USP7: variants seen among roughly 807,000 people sequenced by gnomAD.
The protein encoded by USP7 is ubiquitin specific peptidase 7, also known as ubiquitin C-terminal hydrolase 7.
A neutral mutation model predicts 162.9 loss-of-function variants in USP7; 9 were observed. The observed-to-expected ratio is 0.06, with a 90% CI of 0.03 to 0.10. USP7 has a LOEUF of 0.10. Among genes scored for constraint, USP7 ranks in the 10% least tolerant of loss-of-function variants. The pLI, the probability that USP7 is intolerant of heterozygous loss-of-function variation, is 1.00. For missense variants in USP7, 715 were observed against 1,373.7 expected (o/e 0.52, Z 7.58); for synonymous variants, 562 against 475.9 (o/e 1.18, Z -2.35).
intron 6 of USP7, among the ~76,000 whole-genome samples, chr16:8,918,703 G>A (rs1897513724): frequency 6.6e-6 from 1 of 152,160 alleles, no homozygotes; most frequent in African/African-American, 2.4e-5. Flanking sequence ...CAGCTACTCA[G>A]GAGGCTGAGG....
Position 8,899,126 on chromosome 16 carries a change from A to C in USP7, c.2526T>G (p.Ser842=), listed in dbSNP as rs1002001842. ...TGTCCACACATGTGACCTACCCTTG[A>C]GACTTGAAAAACTGCAGCAACATTG... The part of the protein sequence containing the change: ...TDPMLLQFFK[S]QGYRDGPGNP... The change falls in exon 23 of 31, where the codon TCT becomes TCG. Residue 842 remains serine, a synonymous_variant. Transcript: ENST00000344836. 1 of 1,614,100 alleles carries C rather than the reference A, an allele frequency of 6.2e-7. No individual in the cohort carries two copies. Among genetic ancestry groups the C allele is most frequent in the African/African-American group, 1.3e-5 (1 of 74,940 alleles).
chr16:8,936,791 T>C, intron 1 of USP7: 1 of 1,289,208 alleles, frequency 7.8e-7, no homozygotes, highest in South Asian at 1.9e-5. Flanking sequence ...TCAATTTAGA[T>C]AAGGCAGTCC....
chr16:8,909,795 G>A (rs867900396), intron 11 of USP7, among the ~76,000 whole-genome samples: 5 of 152,094 alleles, frequency 3.3e-5, no homozygotes, highest in Non-Finnish European at 5.9e-5. Flanking sequence ...GCATAGTGGC[G>A]GGCGCCTGTA....
intron 11 of USP7, among the ~76,000 whole-genome samples, chr16:8,909,180 G>A (rs889989083): frequency 2.6e-5 from 4 of 152,198 alleles, no homozygotes; most frequent in Admixed American, 2.0e-4. Flanking sequence ...CCAGCTCTTT[G>A]TTCCTCAGTA....
chr16:8,921,064 CTA>C lies in USP7; in HGVS notation c.522+91_522+92del, dbSNP rs1897666897. 7 of 1,380,792 alleles carry C rather than the reference CTA, an allele frequency of 5.1e-6. No individual in the cohort carries two copies. The South Asian group carries it at 1.1e-4, about 21-fold the overall frequency. 85.5% of individuals were successfully genotyped at this position (1,380,792 alleles called of 1,614,324 possible). Reference sequence around the variant, plus strand: ...CAATTTAGAAAGTAAAAATCTGACTCTAAAATCAATAAAGGACTTGAAAAATC... The same window carrying C: ...CAATTTAGAAAGTAAAAATCTGACTCAAATCAATAAAGGACTTGAAAAATC... On this transcript the variant is annotated intron_variant, in intron 4 of 30. Transcript: ENST00000344836.
At chr16:8,906,003 C>T (rs777157241) in intron 13 of USP7, among the ~76,000 whole-genome samples, 14 of 152,106 alleles carry the variant, frequency 9.2e-5, no homozygotes, top group South Asian at 2.1e-4. Flanking sequence ...ATGAGTATGG[C>T]GCCCTCTACA....
intron 28 of USP7, 37 bp from the exon 29 acceptor site, chr16:8,894,892 C>A: frequency 1.2e-6 from 2 of 1,614,106 alleles, no homozygotes; most frequent in Non-Finnish European, 1.7e-6. Context: ...CACAGTCACT[C>A]CCAGCACCCC....
intron 16 of USP7, among the ~76,000 whole-genome samples, chr16:8,902,719 C>T (rs1331983560): frequency 6.6e-6 from 1 of 152,046 alleles, no homozygotes; most frequent in Admixed American, 6.5e-5. Flanking sequence ...GAACTCTCGT[C>T]TCTACTAAAA....
chr16:8,936,697 G>A, intron 1 of USP7: 4 of 1,479,910 alleles, frequency 2.7e-6, no homozygotes, highest in Non-Finnish European at 3.6e-6. Context: ...AGAATCTCTA[G>A]GAGCTCTACC....
At chr16:8,902,588 A>G in intron 16 of USP7, 106 bp from the exon 17 acceptor site, 1 of 928,054 alleles carries the variant, frequency 1.1e-6, no homozygotes, top group Non-Finnish European at 1.6e-6. Flanking sequence ...TATATAGTCA[A>G]TGTTAAGACT....
At chr16:8,924,957 T>C (rs1178037548) in intron 2 of USP7, among the ~76,000 whole-genome samples, 2 of 152,226 alleles carry the variant, frequency 1.3e-5, no homozygotes, top group African/African-American at 4.8e-5. Flanking sequence ...CCTCTTCAAG[T>C]GGTATTCCCC....
At position 8,902,125 on chromosome 16, in the gene USP7, C is replaced by T. The variant is rs779006733; in HGVS notation, c.2004G>A (p.Glu668=). The change falls in exon 18 of 31, where the codon GAG becomes GAA. Residue 668 remains glutamate (E), a synonymous_variant. Transcript: ENST00000344836. ...GTAAGGTCGCTCCACTAGCAGCCAG[C>T]TCGGGATCAACTGTTTCCAGGAATA... ...WTIFLETVDP[E]LAASGATLPK... 1 of 1,614,234 alleles carries T rather than the reference C, an allele frequency of 6.2e-7. No individual in the cohort carries two copies. The highest frequency in any genetic ancestry group is 1.1e-5 in the South Asian group (1 of 91,088).
intron 1 of USP7, among the ~76,000 whole-genome samples, chr16:8,941,120 G>A (rs1307560126): frequency 1.3e-5 from 2 of 151,998 alleles, no homozygotes; most frequent in Non-Finnish European, 2.9e-5. Flanking sequence ...CAATTCACAT[G>A]GGGCCCATGC....
Position 8,948,071 on chromosome 16 carries a change from G to A in USP7, c.79+15136C>T, listed in dbSNP as rs571865242. On this transcript the variant is annotated intron_variant, in intron 1 of 30. Coordinates refer to ENST00000344836, the MANE Select transcript of USP7 (RefSeq NM_003470.3). ...CTCGAAGACTGCATGCCCTGCAGACGTCAGTCAGCTCCAGCACCAGACCCA... is the reference window on the plus strand; with the variant it reads ...CTCGAAGACTGCATGCCCTGCAGACATCAGTCAGCTCCAGCACCAGACCCA... Among the ~76,000 whole-genome samples the A allele has an allele frequency of 2.1e-4, 32 of 152,322 alleles. 1 individual carries two copies. In the South Asian group the frequency reaches 5.4e-3, roughly 26 times the overall value.
At chr16:8,921,541 G>T (rs1897690041) in intron 3 of USP7, among the ~76,000 whole-genome samples, 1 of 152,196 alleles carries the variant, frequency 6.6e-6, no homozygotes, top group African/African-American at 2.4e-5. Context: ...CTTAGAAGTT[G>T]AAACAAATTT....
intron 1 of USP7, among the ~76,000 whole-genome samples, chr16:8,951,603 G>A (rs1899554117): frequency 6.6e-6 from 1 of 152,212 alleles, no homozygotes; most frequent in Non-Finnish European, 1.5e-5. Context: ...CTGAGCGCAT[G>A]AGGCTATACT....
intron 25 of USP7, among the ~76,000 whole-genome samples, chr16:8,897,726 A>AAAAATAAATAT: frequency 1.4e-4 from 1 of 7,138 alleles, no homozygotes; most frequent in Non-Finnish European, 2.3e-4. Flanking sequence ...AAAAAAAAAA[A>AAAAATAAATAT]ATATATATAT....
At chr16:8,920,571 A>T in intron 4 of USP7, 124 bp from the exon 5 acceptor site, 1 of 783,588 alleles carries the variant, frequency 1.3e-6, no homozygotes, top group East Asian at 2.8e-5. Context: ...AATACATCCC[A>T]ACTTTTTTGC....
intron 10 of USP7, among the ~76,000 whole-genome samples, chr16:8,914,144 T>C (rs1235873481): frequency 6.6e-6 from 1 of 152,038 alleles, no homozygotes; most frequent in East Asian, 1.9e-4. Context: ...AAGCATTTTA[T>C]AAAGGAAGAC....
Sources: gnomAD v4.1 joint callset for allele counts (sites outside exome capture counted in the v4.1 genomes callset) on GRCh38, gnomAD v4.1.1 for gene constraint, MANE v1.5 for transcripts, NCBI Gene and HGNC (gene_info 2026-07-23, HGNC 2026-07-21) for gene names.